Variants in HPX observed in about 807,000 individuals in gnomAD.
HPX encodes the protein beta-1B-glycoprotein.
HPX carries 42 observed loss-of-function variants against 53.8 expected under a neutral mutation model. The observed-to-expected ratio is 0.78, with a 90% CI of 0.61 to 1.01. The LOEUF (loss-of-function observed/expected upper bound fraction) is 1.01, where lower values mean the gene tolerates loss of function less well. Ranked by LOEUF, HPX falls within the 50% of genes least tolerant of loss-of-function variation. HPX has a pLI of 0.00. For synonymous variants in HPX, 229 were observed against 221.1 expected, an observed-to-expected ratio of 1.04 and a Z score of -0.32; for missense variants, 547 against 594.3, an observed-to-expected ratio of 0.92 and a Z score of 0.83.
chr11:6,432,102 T>G, intron 7 of HPX, 85 bp from the exon 8 acceptor site: 1 of 1,500,144 alleles, frequency 6.7e-7, no homozygotes, highest in Non-Finnish European at 9.2e-7. Flanking sequence ...AAATGAGTCA[T>G]GAGAGGGAGA....
chr11:6,440,581 A>T (rs1307749047), intron 2 of HPX, 43 bp from the exon 3 acceptor site: 3 of 887,328 alleles, frequency 3.4e-6, no homozygotes, highest in Admixed American at 7.3e-5. Context: ...AAAAAAAAAA[A>T]AAAAAAAAAA....
intron 7 of HPX, chr11:6,432,296 G>A (rs1405980404): frequency 4.2e-6 from 2 of 476,816 alleles, no homozygotes; most frequent in East Asian, 3.9e-5. Flanking sequence ...GGGTTGGCGG[G>A]CACTCCCTAA....
intron 8 of HPX, 25 bp downstream of exon 8, chr11:6,431,862 C>G: frequency 6.2e-7 from 1 of 1,613,966 alleles, no homozygotes; most frequent in Non-Finnish European, 8.5e-7. Flanking sequence ...CAGTCTCTAC[C>G]TCAAGCCTCT....
chr11:6,440,880 C>G lies in HPX; in HGVS notation c.83+1G>C. 3 of 1,613,120 alleles carry G rather than the reference C, an allele frequency of 1.9e-6. No homozygotes were observed. The highest frequency in any genetic ancestry group is 2.5e-6 in the Non-Finnish European group (3 of 1,179,378). On this transcript the variant is annotated splice_donor_variant, in intron 1 of 9. Transcript: ENST00000265983. LOFTEE classifies it high-confidence loss of function. ...TCGCTTCTAGTCCCAGCTTTACTCACGGAGGAAGAGGGGTGGCAATGGCCA... is the reference window on the plus strand; with the variant it reads ...TCGCTTCTAGTCCCAGCTTTACTCAGGGAGGAAGAGGGGTGGCAATGGCCA...
chr11:6,440,636 G>C (rs1849472225), intron 2 of HPX, 36 bp downstream of exon 2: 4 of 1,428,838 alleles, frequency 2.8e-6, no homozygotes, highest in Non-Finnish European at 3.9e-6. Context: ...GACACAACCA[G>C]ACAGATAAGA....
At chr11:6,439,525 G>C (rs1849459021) in intron 4 of HPX, 1 of 155,350 alleles carries the variant, frequency 6.4e-6, no homozygotes. Flanking sequence ...ATATTCCTCA[G>C]AGCCAAGGTG....
At chr11:6,436,941 CA>C in intron 7 of HPX, 104 bp downstream of exon 7, 1 of 1,305,146 alleles carries the variant, frequency 7.7e-7, no homozygotes, top group South Asian at 1.3e-5. Context: ...ACAGAGGGGA[CA>C]AAATAAGTGA....
rs766560189 is a variant in HPX at position 6,431,988 on chromosome 11, G to A, written c.865C>T (p.Arg289Trp). The change falls in exon 8 of 10, where the codon CGG (arginine) becomes TGG (tryptophan). Residue 289 changes from arginine (R) to tryptophan (W), a missense_variant. By Grantham distance (101) the Arg-to-Trp change is moderately radical. Transcript: ENST00000265983. ...ATGGGCCAGCTATGCCAGCCATCCCGGCTGGTGTCCAGACGCCAGTAGTGG... is the reference window on the plus strand; with the variant it reads ...ATGGGCCAGCTATGCCAGCCATCCCAGCTGGTGTCCAGACGCCAGTAGTGG... ...GTHYWRLDTS[R>W]DGWHSWPIAH... The A allele has an allele frequency of 8.7e-6, 14 of 1,614,062 alleles. No homozygotes were observed. Among genetic ancestry groups the A allele is most frequent in the African/African-American group, 4.0e-5 (3 of 74,932 alleles).
At chr11:6,439,795 C>T in intron 4 of HPX, 1 of 329,550 alleles carries the variant, frequency 3.0e-6, no homozygotes, top group Non-Finnish European at 6.0e-6. Context: ...TCATGCTCCA[C>T]ATGCTCTTCT....
intron 7 of HPX, among the ~76,000 whole-genome samples, chr11:6,435,921 G>A (rs935400896): frequency 4.6e-5 from 7 of 152,180 alleles, no homozygotes; most frequent in African/African-American, 1.7e-4. Flanking sequence ...CTCTATTTCT[G>A]TGTGTTTCCT....
In HPX at chr11:6,435,751, C is replaced by G. The variant is rs371595557; in HGVS notation, c.835+1295G>C. On this transcript the variant is annotated intron_variant, in intron 7 of 9. Transcript: ENST00000265983. ...GATTACAGGCGTGACTCACCACGCC[C>G]GGCCTGGGTATTTTTAATATAAGGT... 2.8e-3 allele frequency among the ~76,000 whole-genome samples: 428 copies of G among 152,312 alleles called. 5 individuals are homozygous for G. Among genetic ancestry groups the G allele is most frequent in the African/African-American group, 9.5e-3 (395 of 41,574 alleles).
At chr11:6,432,113 G>T in intron 7 of HPX, 96 bp from the exon 8 acceptor site, 2 of 1,398,092 alleles carry the variant, frequency 1.4e-6, no homozygotes, top group Non-Finnish European at 2.0e-6. Context: ...GAGAGGGAGA[G>T]AATGCATCCA....
At chr11:6,440,567 TAAAAAAAAAAAAAAAAAAAAAA>T (rs71056749) in intron 2 of HPX, 29 bp from the exon 3 acceptor site, 48 of 591,184 alleles carry the variant, frequency 8.1e-5, no homozygotes, top group East Asian at 1.1e-4. Flanking sequence ...GATGGCAAAG[TAAAAAAAAAAAAAAAAAAAAAA>T]AAAAAAAAAA....
At position 6,436,034 on chromosome 11, in the gene HPX, CTT is replaced by C. The variant is rs141150163; in HGVS notation, c.835+1010_835+1011del. Among the ~76,000 whole-genome samples, 751 of 152,264 alleles carry C rather than the reference CTT, an allele frequency of 4.9e-3. 7 individuals are homozygous for C. Among genetic ancestry groups the C allele is most frequent in the African/African-American group, 0.017 (706 of 41,546 alleles). ...GGCTCCCACCATGGCTGTGTGTTCT[CTT>C]GATACTTATGTGTTCTTACTATGGC... is the stretch of plus-strand genomic sequence containing the variant. On this transcript the variant is annotated intron_variant, in intron 7 of 9. Transcript: ENST00000265983.
At chr11:6,438,295 C>G in intron 5 of HPX, 61 bp downstream of exon 5, 1 of 1,534,474 alleles carries the variant, frequency 6.5e-7, no homozygotes, top group South Asian at 1.1e-5. Flanking sequence ...ATCACCATCA[C>G]TACTGGCATC....
At position 6,431,155 on chromosome 11, in the gene HPX, C is replaced by G. The variant is rs1234580441; in HGVS notation, c.*56G>C. On this transcript the variant is annotated 3_prime_UTR_variant, in exon 10 of 10. Transcript: ENST00000265983. Reference sequence around the variant, plus strand: ...AGTGAGAAGCGAAGAAGCAATCTGTCTTTATTATGAGGAACTAGGAGGTGG... The same window carrying G: ...AGTGAGAAGCGAAGAAGCAATCTGTGTTTATTATGAGGAACTAGGAGGTGG... The G allele has an allele frequency of 1.9e-6, 3 of 1,604,604 alleles. No individual in the cohort carries two copies. The highest frequency in any genetic ancestry group is 1.7e-4 in the Middle Eastern group (1 of 6,048).
chr11:6,437,143 G>A lies in HPX; in HGVS notation c.738C>T (p.Asn246=), dbSNP rs1849426795. The stretch of plus-strand genomic sequence containing the variant: ...TATACTCAGGGCCATGGTGGGTACT[G>A]TTCCCATGGCCAGTCCCATTCCTGT... ...HGHRNGTGHG[N]STHHGPEYMR... The change falls in exon 7 of 10, where the codon AAC becomes AAT. Residue 246 remains asparagine, a synonymous_variant. Coordinates refer to ENST00000265983, the MANE Select transcript of HPX (RefSeq NM_000613.3). 6.2e-7 allele frequency: 1 copy of A among 1,614,026 alleles called. No homozygotes were observed. Among genetic ancestry groups the A allele is most frequent in the Non-Finnish European group, 8.5e-7 (1 of 1,179,904 alleles).
chr11:6,439,684 C>A, intron 4 of HPX: 1 of 191,814 alleles, frequency 5.2e-6, no homozygotes, highest in African/African-American at 2.3e-5. Flanking sequence ...AGGACTTCCC[C>A]AACCACACAG....
At chr11:6,436,136 G>A (rs1418743601) in intron 7 of HPX, among the ~76,000 whole-genome samples, 1 of 152,154 alleles carries the variant, frequency 6.6e-6, no homozygotes, top group Non-Finnish European at 1.5e-5. Flanking sequence ...TTATTATAGT[G>A]TGCAATCCTG....
Sources: allele counts gnomAD v4.1 joint callset (sites outside exome capture counted in the v4.1 genomes callset), GRCh38; gene constraint gnomAD v4.1.1; transcripts MANE v1.5; gene names NCBI Gene and HGNC (gene_info 2026-07-23, HGNC 2026-07-21).